RBFOX1: variants seen among roughly 807,000 people sequenced by gnomAD.
The protein encoded by RBFOX1 is RNA binding fox-1 homolog 1.
Under a neutral mutation model 57.7 loss-of-function variants are expected in RBFOX1, and 8 were observed. The ratio of observed to expected loss-of-function variants is 0.14; its 90% CI spans 0.08 to 0.25. The LOEUF is 0.25. Ranked by LOEUF, RBFOX1 falls within the 10% of genes least tolerant of loss-of-function variation. The pLI, the probability that RBFOX1 is intolerant of heterozygous loss-of-function variation, is 1.00. For missense variants in RBFOX1, 611 were observed against 548.5 expected, an observed-to-expected ratio of 1.11 and a Z score of -1.14; for synonymous variants, 326 against 222.4, an observed-to-expected ratio of 1.47 and a Z score of -4.15.
At chr16:5,956,642 A>G (rs2059644351) in intron 4 of RBFOX1, among the ~76,000 whole-genome samples, 1 of 104,616 alleles carries the variant, frequency 9.6e-6, no homozygotes, top group Admixed American at 1.3e-4. Context: ...AAAAACAAAT[A>G]TATATATATA....
chr16:6,587,303 A>T (rs1342306115), intron 2 of RBFOX1, among the ~76,000 whole-genome samples: 1 of 151,558 alleles, frequency 6.6e-6, no homozygotes, highest in African/African-American at 2.4e-5. Flanking sequence ...TTTTTTTGAG[A>T]CAAAGTCTCA....
chr16:7,329,573 G>C (rs1048971664), intron 4 of RBFOX1, among the ~76,000 whole-genome samples: 2 of 152,174 alleles, frequency 1.3e-5, no homozygotes, highest in Non-Finnish European at 1.5e-5. Flanking sequence ...TTATTTACAG[G>C]CTTTATGATT....
intron 2 of RBFOX1, among the ~76,000 whole-genome samples, chr16:6,586,578 A>T (rs1348098161): frequency 6.6e-6 from 1 of 152,204 alleles, no homozygotes; most frequent in Admixed American, 6.5e-5. Context: ...CTGAATCAAG[A>T]TGATCAGATG....
chr16:6,358,547 G>T lies in RBFOX1; in HGVS notation c.-64+41490G>T, dbSNP rs556286421. ...CTCATTTTTTCATTATTAACAATTT[G>T]AATAGATTTCATTTATTGAGCAATT... On this transcript the variant is annotated intron_variant, in intron 2 of 15. Transcript: ENST00000550418. 2.0e-5 allele frequency among the ~76,000 whole-genome samples: 3 copies of T among 152,264 alleles called. No homozygotes were observed. The East Asian group carries it at 5.8e-4, about 29-fold the overall frequency.
chr16:6,295,670 A>G (rs1419123270), intron 1 of RBFOX1, among the ~76,000 whole-genome samples: 1 of 152,188 alleles, frequency 6.6e-6, no homozygotes, highest in East Asian at 1.9e-4. Flanking sequence ...AATGACTGGA[A>G]TGAAGCTGGT....
chr16:7,452,417 C>A (rs1004037125), intron 4 of RBFOX1, among the ~76,000 whole-genome samples: 1 of 152,200 alleles, frequency 6.6e-6, no homozygotes, highest in Admixed American at 6.5e-5. Flanking sequence ...TGGCCAGTTG[C>A]TTCATATTCC....
At chr16:6,360,482 T>C (rs1269263796) in intron 2 of RBFOX1, among the ~76,000 whole-genome samples, 2 of 152,196 alleles carry the variant, frequency 1.3e-5, no homozygotes, top group African/African-American at 4.8e-5. Flanking sequence ...GATTTACAGC[T>C]TACACCTCAG....
intron 4 of RBFOX1, among the ~76,000 whole-genome samples, chr16:7,158,230 C>T (rs887408125): frequency 7.2e-5 from 11 of 151,914 alleles, no homozygotes; most frequent in Admixed American, 6.6e-4. Flanking sequence ...CCTGTAATCC[C>T]AGCTACTTAG....
intron 4 of RBFOX1, among the ~76,000 whole-genome samples, chr16:7,213,309 G>C (rs1028383248): frequency 6.6e-6 from 1 of 152,122 alleles, no homozygotes; most frequent in African/African-American, 2.4e-5. Context: ...AAAAAATCAC[G>C]TTGCATGGAT....
At chr16:6,822,302 T>C (rs1364681774) in intron 3 of RBFOX1, among the ~76,000 whole-genome samples, 2 of 152,212 alleles carry the variant, frequency 1.3e-5, no homozygotes, top group East Asian at 3.9e-4. Context: ...CATTATTCTT[T>C]GTTGGACATG....
chr16:6,052,747 G>A (rs1460421116), intron 1 of RBFOX1, among the ~76,000 whole-genome samples: 1 of 151,174 alleles, frequency 6.6e-6, no homozygotes, highest in Non-Finnish European at 1.5e-5. Context: ...TCGCGCCACT[G>A]CACTCCAGCC....
At chr16:7,038,591 A>C (rs1044365246) in intron 3 of RBFOX1, among the ~76,000 whole-genome samples, 1 of 152,212 alleles carries the variant, frequency 6.6e-6, no homozygotes, top group African/African-American at 2.4e-5. Flanking sequence ...TACATGTGTC[A>C]GACCAGCCAG....
intron 5 of RBFOX1, among the ~76,000 whole-genome samples, chr16:7,553,211 C>G (rs769786804): frequency 6.6e-6 from 1 of 152,132 alleles, no homozygotes; most frequent in African/African-American, 2.4e-5. Context: ...GTGGTGCAAT[C>G]ATAGCTCACT....
intron 1 of RBFOX1, among the ~76,000 whole-genome samples, chr16:6,161,947 G>A (rs192572977): frequency 6.6e-6 from 1 of 152,192 alleles, no homozygotes; most frequent in African/African-American, 2.4e-5. Context: ...GGGGCTGGAG[G>A]CCCTCTCAGT....
intron 2 of RBFOX1, among the ~76,000 whole-genome samples, chr16:6,544,455 G>A (rs1013576933): frequency 1.3e-5 from 2 of 152,154 alleles, no homozygotes; most frequent in Non-Finnish European, 2.9e-5. Context: ...GATGTTCTGG[G>A]AGGCACTGTA....
chr16:7,398,199 T>C (rs1210666043), intron 4 of RBFOX1, among the ~76,000 whole-genome samples: 1 of 152,226 alleles, frequency 6.6e-6, no homozygotes, highest in African/African-American at 2.4e-5. Context: ...CAGACGCTTA[T>C]GCTTAAAGCA....
At chr16:7,379,025 T>C (rs1173792529) in intron 4 of RBFOX1, among the ~76,000 whole-genome samples, 1 of 152,238 alleles carries the variant, frequency 6.6e-6, no homozygotes, top group Non-Finnish European at 1.5e-5. Flanking sequence ...TGCAGTTACT[T>C]TATCTATGAC....
intron 1 of RBFOX1, among the ~76,000 whole-genome samples, chr16:5,396,227 G>A (rs1409475472): frequency 1.3e-5 from 2 of 152,196 alleles, no homozygotes; most frequent in Non-Finnish European, 2.9e-5. Flanking sequence ...CATCTGAAAT[G>A]TTACCAAGGT....
intron 4 of RBFOX1, among the ~76,000 whole-genome samples, chr16:7,058,101 C>A (rs987959450): frequency 3.3e-5 from 5 of 151,170 alleles, no homozygotes; most frequent in Admixed American, 2.6e-4. Flanking sequence ...CTGGAAAATA[C>A]ATGTGCTACC....
Sources: gnomAD v4.1 joint callset for allele counts (sites outside exome capture counted in the v4.1 genomes callset) on GRCh38, gnomAD v4.1.1 for gene constraint, MANE v1.5 for transcripts, NCBI Gene and HGNC (gene_info 2026-07-23, HGNC 2026-07-21) for gene names.